Variants in IL1RAPL1 observed in about 807,000 individuals in gnomAD.
IL1RAPL1 encodes the protein interleukin 1 receptor accessory protein like 1, also known as interleukin-1 receptor accessory protein-like 1.
A neutral mutation model predicts 48.4 loss-of-function variants in IL1RAPL1; 3 were observed. The observed-to-expected ratio is 0.06, with a 90% confidence interval of 0.03 to 0.16. The LOEUF is 0.16. Among genes scored for constraint, IL1RAPL1 ranks in the 10% least tolerant of loss-of-function variants. The pLI is 1.00. For synonymous variants in IL1RAPL1, 185 were observed against 187.7 expected (o/e 0.99, Z 0.12); for missense variants, 349 against 530.6 (o/e 0.66, Z 3.36).
chrX:29,240,170 A>G (rs1371006254), intron 2 of IL1RAPL1, among the ~76,000 whole-genome samples: 3 of 91,904 alleles, frequency 3.3e-5, no homozygotes, highest in Non-Finnish European at 6.2e-5. Context: ...CCTACCACAT[A>G]GTAGTATATA....
intron 8 of IL1RAPL1, among the ~76,000 whole-genome samples, chrX:29,925,428 T>G (rs1221360287): frequency 4.3e-5 from 1 of 23,322 alleles, no homozygotes; most frequent in African/African-American, 1.1e-4. Flanking sequence ...TTTTTTTTTT[T>G]TTTTTTTTTT....
intron 6 of IL1RAPL1, among the ~76,000 whole-genome samples, chrX:29,705,274 G>A (rs1163569958): frequency 9.0e-6 from 1 of 111,526 alleles, no homozygotes. Context: ...GAGTACAGTG[G>A]CACAATCTTG....
At chrX:28,927,969 G>A (rs763501132) in intron 2 of IL1RAPL1, among the ~76,000 whole-genome samples, 37 of 110,263 alleles carry the variant, frequency 3.4e-4, no homozygotes, top group South Asian at 1.2e-3. Flanking sequence ...AACTTATCTC[G>A]TGAACATGAG....
intron 5 of IL1RAPL1, among the ~76,000 whole-genome samples, chrX:29,508,216 G>A (rs1008810525): frequency 9.0e-6 from 1 of 111,247 alleles, no homozygotes; most frequent in Non-Finnish European, 1.9e-5. Context: ...TGAAATAAGT[G>A]GATTCCTGAT....
chrX:29,833,943 C>A (rs1601844519), intron 6 of IL1RAPL1, among the ~76,000 whole-genome samples: 1 of 112,149 alleles, frequency 8.9e-6, no homozygotes. Flanking sequence ...TACCTCACAA[C>A]ACATGGGCTG....
At chrX:29,464,827 C>A (rs1934843954) in intron 5 of IL1RAPL1, among the ~76,000 whole-genome samples, 1 of 111,897 alleles carries the variant, frequency 8.9e-6, no homozygotes, top group Non-Finnish European at 1.9e-5. Context: ...ACTAACACAG[C>A]AACAGAAAAC....
intron 2 of IL1RAPL1, among the ~76,000 whole-genome samples, chrX:29,178,825 T>G (rs1930084819): frequency 1.8e-5 from 2 of 112,095 alleles, no homozygotes; most frequent in South Asian, 3.7e-4. Flanking sequence ...GCTAGCCAGT[T>G]TTCCCAGCAC....
chrX:29,106,963 G>A (rs1431191584), intron 2 of IL1RAPL1, among the ~76,000 whole-genome samples: 2 of 111,720 alleles, frequency 1.8e-5, no homozygotes, highest in Middle Eastern at 4.6e-3. Context: ...TAAAATAGGT[G>A]TAACTCAGTA....
At chrX:28,877,054 C>G (rs1369383811) in intron 2 of IL1RAPL1, among the ~76,000 whole-genome samples, 1 of 111,660 alleles carries the variant, frequency 9.0e-6, no homozygotes, top group Admixed American at 9.5e-5. Context: ...GTTGCTTAAT[C>G]CTGACCATGT....
At chrX:29,370,887 A>G (rs1234695771) in intron 3 of IL1RAPL1, among the ~76,000 whole-genome samples, 3 of 109,680 alleles carry the variant, frequency 2.7e-5, no homozygotes, top group Admixed American at 9.9e-5. Context: ...TATTTGACAC[A>G]TATTAATTTT....
Position 29,277,991 on chromosome X carries a change from G to A in IL1RAPL1, c.83-4947G>A, listed in dbSNP as rs751418634. On this transcript the variant is annotated intron_variant, in intron 2 of 10. Transcript: ENST00000378993. The stretch of plus-strand genomic sequence containing the variant: ...TCCATTTGTGGCATCATGTTGGCTG[G>A]CACTCAAAAAGTTTTGAATTTTGGA... Among the ~76,000 whole-genome samples the A allele has an allele frequency of 1.4e-3, 151 of 111,774 alleles. No individual in the cohort carries two copies. The Middle Eastern group carries it at 0.014, about 10-fold the overall frequency.
intron 6 of IL1RAPL1, among the ~76,000 whole-genome samples, chrX:29,809,348 C>T (rs1487224786): frequency 2.8e-5 from 3 of 108,877 alleles, no homozygotes; most frequent in African/African-American, 6.7e-5. Flanking sequence ...CCTCATGATC[C>T]GCCCTCAGCC....
At chrX:29,728,452 G>A (rs1203618399) in intron 6 of IL1RAPL1, among the ~76,000 whole-genome samples, 1 of 111,819 alleles carries the variant, frequency 8.9e-6, no homozygotes, top group Non-Finnish European at 1.9e-5. Context: ...CAGGGGTGTT[G>A]TAGACCCCAC....
intron 2 of IL1RAPL1, among the ~76,000 whole-genome samples, chrX:28,936,835 A>T (rs1924028597): frequency 9.0e-6 from 1 of 111,325 alleles, no homozygotes; most frequent in Admixed American, 9.6e-5. Context: ...ATATACATCC[A>T]TGCTTCTTTG....
At chrX:29,169,728 A>G (rs2745374) in intron 2 of IL1RAPL1, among the ~76,000 whole-genome samples, 8,309 of 110,571 alleles carry the variant, frequency 0.075, 341 homozygotes, top group Middle Eastern at 0.12. Flanking sequence ...AATAAACTGG[A>G]TCATTAACCT....
chrX:28,980,909 C>G (rs1448054122), intron 2 of IL1RAPL1, among the ~76,000 whole-genome samples: 1 of 105,639 alleles, frequency 9.5e-6, no homozygotes, highest in African/African-American at 3.5e-5. Context: ...GGCAACATAG[C>G]AAGATCATGT....
intron 3 of IL1RAPL1, among the ~76,000 whole-genome samples, chrX:29,393,370 C>T (rs1288111829): frequency 8.9e-6 from 1 of 112,029 alleles, no homozygotes; most frequent in Non-Finnish European, 1.9e-5. Context: ...ATCCGCCCGC[C>T]TCGGCCTCCC....
At chrX:29,524,325 T>G (rs2147774430) in intron 5 of IL1RAPL1, among the ~76,000 whole-genome samples, 1 of 110,589 alleles carries the variant, frequency 9.0e-6, no homozygotes. Flanking sequence ...AAGAGATATA[T>G]TTGTGTATGT....
At chrX:28,905,309 G>T (rs1923188414) in intron 2 of IL1RAPL1, among the ~76,000 whole-genome samples, 2 of 111,509 alleles carry the variant, frequency 1.8e-5, no homozygotes, top group Non-Finnish European at 3.8e-5. Context: ...TATTCAAAAA[G>T]TATCATATAT....
Sources: allele counts gnomAD v4.1 joint callset (sites outside exome capture counted in the v4.1 genomes callset), GRCh38; gene constraint gnomAD v4.1.1; transcripts MANE v1.5; gene names NCBI Gene and HGNC (gene_info 2026-07-23, HGNC 2026-07-21).